The following DERL2 variants were observed in gnomAD, a reference collection of about 807,000 sequenced individuals.
The protein encoded by DERL2 is derlin-2.
A neutral mutation model predicts 32.0 loss-of-function variants in DERL2; 13 were observed. The ratio of observed to expected loss-of-function variants is 0.41; its 90% CI spans 0.26 to 0.65. The LOEUF (loss-of-function observed/expected upper bound fraction) is 0.65. Among genes scored for constraint, DERL2 ranks in the 30% least tolerant of loss-of-function variants. The pLI, the probability that DERL2 is intolerant of heterozygous loss-of-function variation, is 0.35. For missense variants in DERL2, 208 were observed against 296.3 expected (o/e 0.70, Z 2.19); for synonymous variants, 111 against 104.7 (o/e 1.06, Z -0.37).
chr17:5,480,743 A>T (rs529328548), intron 4 of DERL2, 161 bp from the exon 5 acceptor site: 3 of 576,834 alleles, frequency 5.2e-6, no homozygotes, highest in African/African-American at 2.0e-5. Context: ...AATTACCCAG[A>T]GCAATCAGGC....
intron 1 of DERL2, 112 bp downstream of exon 1, chr17:5,485,957 C>G (rs767723961): frequency 2.1e-6 from 2 of 931,082 alleles, no homozygotes; most frequent in Non-Finnish European, 3.2e-6. Flanking sequence ...TACGCCTCCA[C>G]CCATCCCCGG....
chr17:5,482,045 G>C (rs1905825411), intron 3 of DERL2, among the ~76,000 whole-genome samples: 1 of 152,136 alleles, frequency 6.6e-6, no homozygotes, highest in African/African-American at 2.4e-5. Flanking sequence ...ATCCTAACTT[G>C]GAAGAAATCC....
At chr17:5,480,004 C>T in intron 6 of DERL2, 50 bp downstream of exon 6, 3 of 1,163,690 alleles carry the variant, frequency 2.6e-6, no homozygotes, top group Non-Finnish European at 2.6e-6. Context: ...AGATCATGCC[C>T]CTGTCCTGGT....
At chr17:5,482,712 A>G in intron 3 of DERL2, 97 bp downstream of exon 3, 1 of 703,260 alleles carries the variant, frequency 1.4e-6, no homozygotes, top group South Asian at 1.7e-5. Context: ...CATAGCTAAG[A>G]TGGTACCAAA....
intron 6 of DERL2, among the ~76,000 whole-genome samples, chr17:5,478,856 G>A (rs1171115569): frequency 1.3e-5 from 2 of 152,190 alleles, no homozygotes; most frequent in African/African-American, 4.8e-5. Context: ...GTGCCACTCT[G>A]TCCCCCAGCC....
chr17:5,476,497 T>C (rs1180802810), intron 6 of DERL2, among the ~76,000 whole-genome samples: 1 of 152,014 alleles, frequency 6.6e-6, no homozygotes, highest in African/African-American at 2.4e-5. Context: ...GAAACTGAGA[T>C]CCCGGCAGGT....
In DERL2 at chr17:5,474,767, C is replaced by T. The variant is rs747830827; in HGVS notation, c.637G>A (p.Asp213Asn). The T allele has an allele frequency of 1.2e-6, 2 of 1,613,724 alleles. No individual in the cohort carries two copies. Among genetic ancestry groups the T allele is most frequent in the Non-Finnish European group, 1.7e-6 (2 of 1,179,858 alleles). ...SILKAIFDTPDEDPNYNPLPE... is the reference protein window; with the variant it reads ...SILKAIFDTPNEDPNYNPLPE... ...AGTGGATTGTAATTTGGATCCTCAT[C>T]TGGTGTATCAAAAATAGCTTTCCTA... The change falls in exon 7 of 7, where the codon GAT becomes AAT. Residue 213 changes from aspartate to asparagine, a missense_variant. Physicochemically the swap from Asp to Asn is conservative, Grantham distance 23. Transcript: ENST00000158771. This position sits in a 1 kb window ranked among gnomAD's most constrained non-coding sequence, Gnocchi z 4.3.
chr17:5,485,240 A>T (rs1906103727), intron 1 of DERL2, 24 bp from the exon 2 acceptor site: 1 of 1,491,902 alleles, frequency 6.7e-7, no homozygotes, highest in East Asian at 2.4e-5. Context: ...AGAGCTTCTT[A>T]AAGCAAATCA....
In DERL2 at chr17:5,480,250, TATTAAAA is replaced by T. The variant is rs1393489411; in HGVS notation, c.524-113_524-107del. ...TATTTAGGATGAATGTCAACATAAT[TATTAAAA>T]ATTAATGAACTAATATTGTGGTATT... On this transcript the variant is annotated intron_variant, in intron 5 of 6. Transcript: ENST00000158771. The T allele has an allele frequency of 4.9e-6, 6 of 1,215,926 alleles. No individual in the cohort carries two copies. The Admixed American group carries it at 1.4e-4, about 28-fold the overall frequency. The allele number at this position is 1,215,926 out of a possible 1,614,324, so 75.3% of individuals were successfully genotyped here.
Position 5,472,608 on chromosome 17 carries a change from T to C in DERL2, c.*2076A>G, listed in dbSNP as rs915757521. 1.3e-5 allele frequency: 2 copies of C among 152,228 alleles called. No homozygotes were observed. The highest frequency in any genetic ancestry group is 2.9e-5 in the Non-Finnish European group (2 of 68,038). The allele number at this position is 152,228 out of a possible 1,614,324, so 9.4% of individuals were successfully genotyped here. ...GGCTGTATATTCAAAATGTATTTCC[T>C]GTTTTACCTAGTCATTAATGTATAC... On this transcript the variant is annotated 3_prime_UTR_variant, in exon 7 of 7. Coordinates refer to ENST00000158771, the MANE Select transcript of DERL2 (RefSeq NM_016041.5).
chr17:5,478,925 T>C (rs1344804403), intron 6 of DERL2, among the ~76,000 whole-genome samples: 1 of 152,158 alleles, frequency 6.6e-6, no homozygotes, highest in Non-Finnish European at 1.5e-5. Context: ...GCTCAAGCAA[T>C]CCTTCCACCT....
intron 2 of DERL2, among the ~76,000 whole-genome samples, chr17:5,483,230 T>C (rs997807131): frequency 6.6e-6 from 1 of 151,312 alleles, no homozygotes; most frequent in Non-Finnish European, 1.5e-5. Flanking sequence ...ATATAATAAA[T>C]AGAACTGACA....
At chr17:5,475,188 A>C (rs1905304614) in intron 6 of DERL2, among the ~76,000 whole-genome samples, 1 of 152,218 alleles carries the variant, frequency 6.6e-6, no homozygotes, top group Admixed American at 6.5e-5. Context: ...ATGTTTCCCC[A>C]TAACCAAGGT....
chr17:5,484,334 C>T (rs1241346128), intron 2 of DERL2, among the ~76,000 whole-genome samples: 1 of 152,246 alleles, frequency 6.6e-6, no homozygotes, highest in Non-Finnish European at 1.5e-5. Flanking sequence ...GCAACCTCCG[C>T]CTCCCGGGTT....
intron 2 of DERL2, 110 bp from the exon 3 acceptor site, chr17:5,482,992 T>G: frequency 1.7e-6 from 1 of 591,684 alleles, no homozygotes; most frequent in Non-Finnish European, 2.9e-6. Flanking sequence ...TTGAGAAGCC[T>G]TGGACAGAGT....
rs570932646 is a variant in DERL2, at chr17:5,472,863, T to A, written c.*1821A>T. 1 of 152,004 alleles carries A rather than the reference T, an allele frequency of 6.6e-6. No homozygotes were observed. The highest frequency in any genetic ancestry group is 1.5e-5 in the Non-Finnish European group (1 of 68,000). The allele number at this position is 152,004 out of a possible 1,614,324, so 9.4% of individuals were successfully genotyped here. ...AACAAGATAGGATAAAACTTAAGAA[T>A]CCCATAAGGATTATACATGCTAAGA... On this transcript the variant is annotated 3_prime_UTR_variant, in exon 7 of 7. Transcript: ENST00000158771.
At chr17:5,475,346 G>A (rs965833733) in intron 6 of DERL2, among the ~76,000 whole-genome samples, 27 of 149,336 alleles carry the variant, frequency 1.8e-4, no homozygotes, top group Non-Finnish European at 3.1e-4. Flanking sequence ...TGCAACCTCC[G>A]CCTCCCGGAT....
chr17:5,482,086 T>C (rs776018772), intron 3 of DERL2, among the ~76,000 whole-genome samples: 33 of 152,196 alleles, frequency 2.2e-4, no homozygotes, highest in Non-Finnish European at 4.3e-4. Flanking sequence ...CTCAACTACT[T>C]TTCCAGCCTG....
rs1392072245 is a variant in DERL2 at position 5,476,306 on chromosome 17, G to A, written c.615-1517C>T. On this transcript the variant is annotated intron_variant, in intron 6 of 6. Transcript: ENST00000158771. ...TATCTGAAAACTTCTGATTTATACT[G>A]GAGTCAGAAAATAGTATAATTCAAA... Among the ~76,000 whole-genome samples, 3 of 152,054 alleles carry A rather than the reference G, an allele frequency of 2.0e-5. No homozygotes were observed. The East Asian group carries it at 5.8e-4, about 29-fold the overall frequency.
Sources: allele counts gnomAD v4.1 joint callset (sites outside exome capture counted in the v4.1 genomes callset), GRCh38; gene constraint gnomAD v4.1.1; non-coding constraint Gnocchi (gnomAD v3.1); transcripts MANE v1.5; gene names NCBI Gene and HGNC (gene_info 2026-07-23, HGNC 2026-07-21).